The following TTBK2 variants were observed in gnomAD, a reference collection of about 807,000 sequenced individuals.
TTBK2 encodes the protein tau tubulin kinase 2, also known as tau-tubulin kinase 2.
TTBK2 carries 28 observed loss-of-function variants against 110.8 expected under a neutral mutation model. The observed-to-expected ratio is 0.25, with a 90% CI of 0.19 to 0.35. The LOEUF (loss-of-function observed/expected upper bound fraction) is 0.35. Ranked by LOEUF, TTBK2 falls within the 10% of genes least tolerant of loss-of-function variation. The pLI is 1.00. For missense variants in TTBK2, 1,369 were observed against 1,500.3 expected, an observed-to-expected ratio of 0.91 and a Z score of 1.45; for synonymous variants, 532 against 527.3, an observed-to-expected ratio of 1.01 and a Z score of -0.12.
At chr15:42,808,962 C>T (rs1319570141) in intron 9 of TTBK2, among the ~76,000 whole-genome samples, 1 of 152,172 alleles carries the variant, frequency 6.6e-6, no homozygotes, top group Non-Finnish European at 1.5e-5. Context: ...CATGAATTCA[C>T]GAGACCATTC....
At chr15:42,920,947 G>A (rs1398286540), upstream of TTBK2, 1 of 152,624 alleles carries the variant, frequency 6.6e-6, no homozygotes, top group Non-Finnish European at 1.5e-5. Context: ...TATCACGAAG[G>A]GGGCGGAGAG....
intron 1 of TTBK2, among the ~76,000 whole-genome samples, chr15:42,902,723 T>C (rs1178456644): frequency 6.6e-6 from 1 of 152,096 alleles, no homozygotes; most frequent in East Asian, 1.9e-4. Flanking sequence ...CCAGGCGCAG[T>C]GGCTCAAGCC....
intron 6 of TTBK2, among the ~76,000 whole-genome samples, chr15:42,826,711 G>A (rs914037454): frequency 1.3e-4 from 19 of 151,988 alleles, no homozygotes; most frequent in African/African-American, 4.4e-4. Context: ...TGACAGCCCC[G>A]GAGTCATTCT....
chr15:42,841,514 A>G (rs1469194710), intron 3 of TTBK2, among the ~76,000 whole-genome samples: 1 of 152,158 alleles, frequency 6.6e-6, no homozygotes, highest in Non-Finnish European at 1.5e-5. Context: ...CCGGGCCTCA[A>G]AAGTTCTTTA....
intron 3 of TTBK2, among the ~76,000 whole-genome samples, chr15:42,866,303 A>T (rs1894370425): frequency 6.6e-6 from 1 of 152,012 alleles, no homozygotes; most frequent in South Asian, 2.1e-4. Context: ...ATAATAATAA[A>T]AGAAGAGTAT....
intron 6 of TTBK2, 73 bp downstream of exon 6, chr15:42,827,855 T>C: frequency 1.7e-6 from 2 of 1,205,348 alleles, no homozygotes; most frequent in Admixed American, 1.8e-5. Flanking sequence ...ATAATTAGCA[T>C]TGTTTAAAAA....
rs2061874793 is a variant in TTBK2 at position 42,752,174 on chromosome 15, TGAA to T, written c.3069_3071del (p.Phe1023_Ser1024delinsLeu). On this transcript the variant is annotated inframe_deletion, in exon 14 of 15. Coordinates refer to ENST00000267890, the MANE Select transcript of TTBK2 (RefSeq NM_173500.4). Reference sequence around the variant, plus strand: ...TCAGGTGAGAATCTACTGTCAGTCTTGAAAAGGGAGTGAGCACTTCCTCCTCAC... The same window carrying T: ...TCAGGTGAGAATCTACTGTCAGTCTTAAGGGAGTGAGCACTTCCTCCTCAC... The T allele has an allele frequency of 1.2e-6, 2 of 1,614,222 alleles. No individual in the cohort carries two copies. Among genetic ancestry groups the T allele is most frequent in the African/African-American group, 2.7e-5 (2 of 75,050 alleles).
intron 3 of TTBK2, among the ~76,000 whole-genome samples, chr15:42,842,073 T>C (rs1893243428): frequency 6.6e-6 from 1 of 152,132 alleles, no homozygotes; most frequent in Non-Finnish European, 1.5e-5. Context: ...ATTATTATTA[T>C]TATTTTAAAG....
At chr15:42,852,740 G>A (rs570444033) in intron 3 of TTBK2, among the ~76,000 whole-genome samples, 65 of 152,250 alleles carry the variant, frequency 4.3e-4, no homozygotes, top group African/African-American at 1.3e-3. Flanking sequence ...GGAGAAAAAC[G>A]TGAAAATGAA....
At chr15:42,807,403 C>T (rs957668588) in intron 9 of TTBK2, among the ~76,000 whole-genome samples, 67 of 151,040 alleles carry the variant, frequency 4.4e-4, no homozygotes, top group African/African-American at 1.6e-3. Flanking sequence ...TCACGTGATC[C>T]TATTATTATT....
At chr15:42,852,089 A>G (rs936304191) in intron 3 of TTBK2, among the ~76,000 whole-genome samples, 1 of 146,044 alleles carries the variant, frequency 6.8e-6, no homozygotes, top group African/African-American at 2.5e-5. Flanking sequence ...TTTTTTTTTT[A>G]GATGGAGTCT....
intron 3 of TTBK2, among the ~76,000 whole-genome samples, chr15:42,853,528 C>T (rs1893804899): frequency 1.3e-5 from 2 of 151,630 alleles, no homozygotes; most frequent in Admixed American, 1.3e-4. Context: ...CCTTCTCATC[C>T]AAGGGAAAAA....
chr15:42,900,282 G>A (rs1057020821), intron 1 of TTBK2, among the ~76,000 whole-genome samples: 8 of 151,952 alleles, frequency 5.3e-5, no homozygotes, highest in South Asian at 4.1e-4. Flanking sequence ...ATGAGCCACC[G>A]CACCCAGCCT....
intron 6 of TTBK2, among the ~76,000 whole-genome samples, chr15:42,823,218 C>T (rs1235190301): frequency 2.0e-5 from 3 of 152,096 alleles, no homozygotes; most frequent in Non-Finnish European, 4.4e-5. Context: ...CACAAAGGGC[C>T]AGTGTGAGAT....
chr15:42,873,893 C>T (rs1894709038), intron 2 of TTBK2, among the ~76,000 whole-genome samples: 1 of 152,174 alleles, frequency 6.6e-6, no homozygotes, highest in Non-Finnish European at 1.5e-5. Flanking sequence ...TAAATCATAA[C>T]CAGCTCAAGA....
At chr15:42,818,361 A>C (rs1340040614) in intron 6 of TTBK2, among the ~76,000 whole-genome samples, 2 of 152,228 alleles carry the variant, frequency 1.3e-5, no homozygotes, top group African/African-American at 4.8e-5. Flanking sequence ...AGAAGTATAT[A>C]ACTTGTCTAA....
chr15:42,885,234 C>T (rs1895195648), intron 1 of TTBK2, among the ~76,000 whole-genome samples: 1 of 152,162 alleles, frequency 6.6e-6, no homozygotes, highest in East Asian at 1.9e-4. Flanking sequence ...GAGACCAGTC[C>T]CCTGTCCTCA....
chr15:42,875,605 T>G (rs1218219706), intron 2 of TTBK2, among the ~76,000 whole-genome samples: 1 of 151,940 alleles, frequency 6.6e-6, no homozygotes, highest in East Asian at 1.9e-4. Context: ...CTAGCTACCA[T>G]GTAAGAAATG....
intron 10 of TTBK2, among the ~76,000 whole-genome samples, chr15:42,787,358 T>C (rs762350129): frequency 3.3e-5 from 5 of 152,192 alleles, no homozygotes; most frequent in East Asian, 3.8e-4. Context: ...TTCTGGGACA[T>C]ACACTATAAA....
Sources: gnomAD v4.1 joint callset for allele counts (sites outside exome capture counted in the v4.1 genomes callset) on GRCh38, gnomAD v4.1.1 for gene constraint, MANE v1.5 for transcripts, NCBI Gene and HGNC (gene_info 2026-07-23, HGNC 2026-07-21) for gene names.